Variants in GALNT13 observed in about 807,000 individuals in gnomAD.
The protein encoded by GALNT13 is polypeptide N-acetylgalactosaminyltransferase 13.
Under a neutral mutation model 64.2 loss-of-function variants are expected in GALNT13, and 28 were observed. That is an observed-to-expected ratio of 0.44 (90% CI 0.32 to 0.60). The LOEUF is 0.60. Among genes scored for constraint, GALNT13 ranks in the 20% least tolerant of loss-of-function variants. GALNT13 has a pLI of 0.05. For synonymous variants in GALNT13, 214 were observed against 224.6 expected, an observed-to-expected ratio of 0.95 and a Z score of 0.42; for missense variants, 577 against 669.8, an observed-to-expected ratio of 0.86 and a Z score of 1.53.
intron 8 of GALNT13, among the ~76,000 whole-genome samples, chr2:154,273,088 GAGACCAT>G (rs1436205122): frequency 2.0e-5 from 3 of 152,084 alleles, no homozygotes; most frequent in African/African-American, 7.2e-5. Flanking sequence ...ATGCTAGAGG[GAGACCAT>G]AGACGATAAA....
intron 12 of GALNT13, chr2:154,446,682 C>T: frequency 2.6e-6 from 4 of 1,548,460 alleles, no homozygotes. Flanking sequence ...GCAAAAATGG[C>T]TACTAAGAAA....
intron 3 of GALNT13, among the ~76,000 whole-genome samples, chr2:154,045,336 C>G (rs1395955575): frequency 1.3e-5 from 2 of 152,126 alleles, no homozygotes; most frequent in African/African-American, 4.8e-5. Context: ...TACATAATAG[C>G]TGTCATATAA....
chr2:153,327,682 T>C, the GALNT13 span, among the ~76,000 whole-genome samples: 1 of 152,146 alleles, frequency 6.6e-6, no homozygotes, highest in South Asian at 2.1e-4. Flanking sequence ...TTATTCCAGT[T>C]AGCAGTTCCT....
chr2:153,259,214 T>G, the GALNT13 span, among the ~76,000 whole-genome samples: 2 of 152,246 alleles, frequency 1.3e-5, no homozygotes, highest in Non-Finnish European at 2.9e-5. Flanking sequence ...TGTCTTGAAA[T>G]CTATCTTGTC....
chr2:153,931,275 T>C lies in GALNT13; in HGVS notation c.-104-13119T>C, dbSNP rs115305724. On this transcript the variant is annotated intron_variant, in intron 2 of 12. Coordinates refer to ENST00000392825, the MANE Select transcript of GALNT13 (RefSeq NM_052917.4). ...GACTGTAGGGTTTTCTAGTATAAAA[T>C]CCTATTGTCCACAAACAGAGATAGT... Among the ~76,000 whole-genome samples the C allele has an allele frequency of 4.4e-3, 660 of 151,190 alleles. 6 individuals are homozygous for C. Among genetic ancestry groups the C allele is most frequent in the African/African-American group, 0.015 (631 of 41,068 alleles).
chr2:154,173,873 C>T (rs1392273556), intron 4 of GALNT13, among the ~76,000 whole-genome samples: 1 of 151,894 alleles, frequency 6.6e-6, no homozygotes, highest in Non-Finnish European at 1.5e-5. Flanking sequence ...TATTAAAAGA[C>T]AAGCAATAAT....
At chr2:154,407,553 G>C (rs984329743) in intron 10 of GALNT13, among the ~76,000 whole-genome samples, 5 of 152,004 alleles carry the variant, frequency 3.3e-5, no homozygotes, top group African/African-American at 1.2e-4. Flanking sequence ...CTAGTGTCTG[G>C]ACCACCTGAA....
chr2:154,136,703 C>A (rs991772941), intron 3 of GALNT13, among the ~76,000 whole-genome samples: 2 of 151,976 alleles, frequency 1.3e-5, no homozygotes, highest in Admixed American at 6.6e-5. Context: ...TATCATATTT[C>A]TAAAAGCTTT....
intron 4 of GALNT13, among the ~76,000 whole-genome samples, chr2:154,224,014 A>G (rs1688458084): frequency 6.6e-6 from 1 of 152,072 alleles, no homozygotes; most frequent in African/African-American, 2.4e-5. Context: ...GAATTTTAGG[A>G]AAAAAAGAAG....
At chr2:154,039,747 A>C (rs531174355) in intron 3 of GALNT13, among the ~76,000 whole-genome samples, 1 of 139,464 alleles carries the variant, frequency 7.2e-6, no homozygotes, top group East Asian at 2.0e-4. Context: ...GTATATGTTA[A>C]AAATACTAGA....
intron 8 of GALNT13, among the ~76,000 whole-genome samples, chr2:154,268,566 G>A (rs1691149966): frequency 6.6e-6 from 1 of 151,874 alleles, no homozygotes; most frequent in Admixed American, 6.6e-5. Flanking sequence ...AATATATGCA[G>A]TTCATTATAT....
chr2:154,227,690 A>G (rs1191877293), intron 4 of GALNT13, among the ~76,000 whole-genome samples: 2 of 151,798 alleles, frequency 1.3e-5, no homozygotes, highest in African/African-American at 4.8e-5. Context: ...ATACTATTCC[A>G]GGGTGTTTAT....
intron 3 of GALNT13, among the ~76,000 whole-genome samples, chr2:154,002,771 G>A (rs1695994798): frequency 6.6e-6 from 1 of 152,060 alleles, no homozygotes; most frequent in African/African-American, 2.4e-5. Context: ...TATTGCAGTT[G>A]TTCTTTGGTG....
chr2:153,209,984 A>G, the GALNT13 span, among the ~76,000 whole-genome samples: 1 of 152,188 alleles, frequency 6.6e-6, no homozygotes, highest in Non-Finnish European at 1.5e-5. Flanking sequence ...GTATATAATT[A>G]TATTTGAATA....
chr2:153,905,901 G>T (rs771244087), intron 2 of GALNT13, among the ~76,000 whole-genome samples: 3 of 151,866 alleles, frequency 2.0e-5, no homozygotes, highest in South Asian at 2.1e-4. Context: ...TCTGATAACC[G>T]ATATGGCTAC....
chr2:154,130,557 T>G (rs2105545258), intron 3 of GALNT13, among the ~76,000 whole-genome samples: 1 of 152,306 alleles, frequency 6.6e-6, no homozygotes, highest in Non-Finnish European at 1.5e-5. Context: ...TATATATATT[T>G]TTTACTTCCA....
chr2:153,755,108 C>T, the GALNT13 span, among the ~76,000 whole-genome samples: 1 of 152,190 alleles, frequency 6.6e-6, no homozygotes, highest in Non-Finnish European at 1.5e-5. Flanking sequence ...TTTTCTCTAC[C>T]TCTTCAGTAC....
the GALNT13 span, among the ~76,000 whole-genome samples, chr2:153,278,190 C>T: frequency 6.6e-6 from 1 of 151,836 alleles, no homozygotes; most frequent in Admixed American, 6.6e-5. Flanking sequence ...GCCTCGGCCT[C>T]CCAAAGTGCT....
At chr2:154,206,184 G>A (rs1223814408) in intron 4 of GALNT13, among the ~76,000 whole-genome samples, 16 of 151,530 alleles carry the variant, frequency 1.1e-4, no homozygotes, top group African/African-American at 2.9e-4. Context: ...TTTTTTTATA[G>A]TAGAGACGGG....
Sources: gnomAD v4.1 joint callset for allele counts (sites outside exome capture counted in the v4.1 genomes callset) on GRCh38, gnomAD v4.1.1 for gene constraint, MANE v1.5 for transcripts, NCBI Gene and HGNC (gene_info 2026-07-23, HGNC 2026-07-21) for gene names.